The following TENM2 variants were observed in gnomAD, a reference collection of about 807,000 sequenced individuals.
TENM2 encodes teneurin-2.
Under a neutral mutation model 245.2 loss-of-function variants are expected in TENM2, and 52 were observed. That is an observed-to-expected ratio of 0.21 (90% CI 0.17 to 0.27). The LOEUF is 0.27. Among genes scored for constraint, TENM2 ranks in the 10% least tolerant of loss-of-function variants. The pLI is 1.00. For missense variants in TENM2, 3,046 were observed against 3,666.8 expected, an observed-to-expected ratio of 0.83 and a Z score of 4.37; for synonymous variants, 1,363 against 1,438.9, an observed-to-expected ratio of 0.95 and a Z score of 1.19.
chr5:167,484,566 C>A lies in TENM2; in HGVS notation c.502+109093C>A, dbSNP rs185257015. 2.6e-5 allele frequency among the ~76,000 whole-genome samples: 4 copies of A among 152,262 alleles called. No homozygotes were observed. The East Asian group carries it at 7.7e-4, about 29-fold the overall frequency. On this transcript the variant is annotated intron_variant, in intron 2 of 28. Transcript: ENST00000518659. The stretch of plus-strand genomic sequence containing the variant: ...GCCTCCAGAACTGTAAGACAATGCA[C>A]TTCTGATGTTTAAACTACCCAGTCT...
intron 5 of TENM2, among the ~76,000 whole-genome samples, chr5:168,041,501 T>A (rs565930137): frequency 4.2e-4 from 64 of 152,338 alleles, no homozygotes; most frequent in African/African-American, 1.4e-3. Context: ...CATAAACTGC[T>A]TTCTCAATTC....
At chr5:167,990,196 CT>C (rs1226790629) in intron 4 of TENM2, among the ~76,000 whole-genome samples, 1 of 152,190 alleles carries the variant, frequency 6.6e-6, no homozygotes, top group Non-Finnish European at 1.5e-5. Context: ...CCCTGGCTTT[CT>C]GCTGTGGATA....
At chr5:167,853,640 G>T (rs1007311500) in intron 2 of TENM2, among the ~76,000 whole-genome samples, 9 of 152,288 alleles carry the variant, frequency 5.9e-5, no homozygotes, top group African/African-American at 2.2e-4. Context: ...TGGAAAGGTT[G>T]AAGTAATTTC....
intron 1 of TENM2, among the ~76,000 whole-genome samples, chr5:167,321,523 T>C (rs1019966511): frequency 3.9e-5 from 6 of 152,150 alleles, no homozygotes; most frequent in Non-Finnish European, 7.4e-5. Context: ...TGAATTTGTC[T>C]GCTCTAACGT....
At chr5:167,594,259 G>C (rs1776056056) in intron 2 of TENM2, among the ~76,000 whole-genome samples, 1 of 152,144 alleles carries the variant, frequency 6.6e-6, no homozygotes, top group Non-Finnish European at 1.5e-5. Flanking sequence ...TTTAGCCATA[G>C]AAGTTGTATT....
At chr5:167,562,456 A>C (rs1166483387) in intron 2 of TENM2, among the ~76,000 whole-genome samples, 1 of 152,140 alleles carries the variant, frequency 6.6e-6, no homozygotes, top group Non-Finnish European at 1.5e-5. Flanking sequence ...TTGCACAAAG[A>C]TTGAGTTGGT....
At chr5:168,232,513 C>T (rs1316992932) in intron 25 of TENM2, among the ~76,000 whole-genome samples, 1 of 152,190 alleles carries the variant, frequency 6.6e-6, no homozygotes, top group Admixed American at 6.5e-5. Flanking sequence ...GTAATCACTG[C>T]TCCCCATGTG....
chr5:167,471,788 C>T (rs192589100), intron 2 of TENM2, among the ~76,000 whole-genome samples: 128 of 152,202 alleles, frequency 8.4e-4, no homozygotes, highest in African/African-American at 2.9e-3. Context: ...AGAGGCTTTA[C>T]GTTGAAAATC....
rs545402110 is a variant in TENM2 at position 168,013,489 on chromosome 5, AGCTACCCAGGAG to A, written c.1186+20311_1186+20322del. ...CCTGGTGGCACATGCCTGTAATCCCAGCTACCCAGGAGGCTGAGGCAGGAGAATCACTGGAAC... is the reference window on the plus strand; with the variant it reads ...CCTGGTGGCACATGCCTGTAATCCCAGCTGAGGCAGGAGAATCACTGGAAC... On this transcript the variant is annotated intron_variant, in intron 5 of 28. Coordinates refer to ENST00000518659, the Ensembl canonical transcript of TENM2. Among the ~76,000 whole-genome samples the A allele has an allele frequency of 6.6e-4, 101 of 152,320 alleles. 1 individual carries two copies. The highest frequency in any genetic ancestry group is 2.3e-3 in the African/African-American group (97 of 41,554).
chr5:168,199,838 G>A, intron 16 of TENM2, 26 bp from the exon 19 acceptor site: 2 of 1,607,770 alleles, frequency 1.2e-6, no homozygotes, highest in Non-Finnish European at 1.7e-6. Flanking sequence ...TTTTAGGTGT[G>A]TGTCTGCCAT....
chr5:167,454,456 G>C (rs201581284), intron 2 of TENM2, among the ~76,000 whole-genome samples: 1 of 111,008 alleles, frequency 9.0e-6, no homozygotes, highest in Non-Finnish European at 2.0e-5. Flanking sequence ...AAATAACTGT[G>C]TGTGTGTGTG....
chr5:168,043,239 CTT>C (rs113155634), intron 5 of TENM2, among the ~76,000 whole-genome samples: 2 of 143,824 alleles, frequency 1.4e-5, no homozygotes. Flanking sequence ...TCTCAGCTTT[CTT>C]TTTTTTTTTT....
At chr5:167,474,559 G>A (rs1454027095) in intron 2 of TENM2, among the ~76,000 whole-genome samples, 9 of 150,162 alleles carry the variant, frequency 6.0e-5, no homozygotes, top group Admixed American at 2.0e-4. Context: ...TGTCGCCCAG[G>A]CTGGAGTGCA....
At chr5:167,158,423 C>G in the TENM2 span, among the ~76,000 whole-genome samples, 3 of 152,034 alleles carry the variant, frequency 2.0e-5, no homozygotes, top group African/African-American at 7.3e-5. Flanking sequence ...AGGACATATC[C>G]CTAGATCTCA....
chr5:167,633,391 G>GA lies in TENM2; in HGVS notation c.503-242585dup, dbSNP rs568990260. ...TTAGAATAGTTGCCACAGGCTTCCA[G>GA]AAAAAAAAAATTAAGACTTGAATTA... On this transcript the variant is annotated intron_variant, in intron 2 of 28. Transcript: ENST00000518659. Among the ~76,000 whole-genome samples, 473 of 149,320 alleles carry GA rather than the reference G, an allele frequency of 3.2e-3. 13 individuals carry two copies. The East Asian group carries it at 0.054, about 17-fold the overall frequency.
chr5:166,988,810 A>G, the TENM2 span, among the ~76,000 whole-genome samples: 3 of 152,126 alleles, frequency 2.0e-5, no homozygotes, highest in African/African-American at 7.2e-5. Context: ...TGCTTGCACA[A>G]TGCCTGCAAG....
intron 2 of TENM2, among the ~76,000 whole-genome samples, chr5:167,397,490 C>T (rs777993203): frequency 1.3e-4 from 19 of 151,864 alleles, no homozygotes; most frequent in Admixed American, 2.0e-4. Context: ...TGTTGCAAAC[C>T]GAGCATTGAG....
At chr5:167,800,548 G>C (rs1319758578) in intron 2 of TENM2, among the ~76,000 whole-genome samples, 1 of 152,174 alleles carries the variant, frequency 6.6e-6, no homozygotes, top group African/African-American at 2.4e-5. Context: ...ATTTTCAGCA[G>C]TTAACAAGCA....
chr5:167,952,633 C>T (rs1780204474), exon 4 of TENM2: 1 of 1,612,926 alleles, frequency 6.2e-7, no homozygotes, highest in Non-Finnish European at 8.5e-7. Flanking sequence ...CCCCCTCTCC[C>T]ACCCCCTCAC....
Sources: gnomAD v4.1 joint callset for allele counts (sites outside exome capture counted in the v4.1 genomes callset) on GRCh38, gnomAD v4.1.1 for gene constraint, MANE v1.5 for transcripts, NCBI Gene and HGNC (gene_info 2026-07-23, HGNC 2026-07-21) for gene names.